COL19A1: variants seen among roughly 807,000 people sequenced by gnomAD.
The protein encoded by COL19A1 is collagen type XIX alpha 1 chain, also known as collagen alpha-1(XIX) chain.
A neutral mutation model predicts 190.2 loss-of-function variants in COL19A1; 159 were observed. That is an observed-to-expected ratio of 0.84 (90% confidence interval 0.73 to 0.95). COL19A1 has a LOEUF of 0.95. Among genes scored for constraint, COL19A1 ranks in the 40% least tolerant of loss-of-function variants. The pLI, the probability that COL19A1 is intolerant of heterozygous loss-of-function variation, is 0.00. For missense variants in COL19A1, 1,418 were observed against 1,431.9 expected (o/e 0.99, Z 0.16); for synonymous variants, 509 against 458.9 (o/e 1.11, Z -1.39).
chr6:70,160,294 AC>A (rs746056498), intron 34 of COL19A1, among the ~76,000 whole-genome samples: 6 of 152,092 alleles, frequency 3.9e-5, no homozygotes, highest in Non-Finnish European at 8.8e-5. Context: ...CCAAACACTT[AC>A]AAAACCATCA....
intron 14 of COL19A1, chr6:70,059,666 G>T (rs1455974606): frequency 2.7e-6 from 1 of 369,890 alleles, no homozygotes; most frequent in East Asian, 7.7e-5. Flanking sequence ...ACAGCCTTAT[G>T]AATTCCATTC....
At position 70,032,404 on chromosome 6, in the gene COL19A1, A is replaced by G. The variant is rs191736720; in HGVS notation, c.1081-1841A>G. ...TTGGTGATGGAGAGAATCTTCATTA[A>G]TTTCTTGTTCTTTTCTGTATCTCTA... On this transcript the variant is annotated intron_variant, in intron 12 of 50. Coordinates refer to ENST00000620364, the MANE Select transcript of COL19A1 (RefSeq NM_001858.6). Among the ~76,000 whole-genome samples the G allele has an allele frequency of 1.6e-3, 239 of 152,244 alleles. 2 individuals are homozygous for G. The highest frequency in any genetic ancestry group is 2.9e-4 in the Non-Finnish European group (20 of 67,992).
At chr6:70,122,037 T>G in intron 17 of COL19A1, 95 bp downstream of exon 17, 5 of 732,786 alleles carry the variant, frequency 6.8e-6, no homozygotes, top group Non-Finnish European at 8.9e-6. Flanking sequence ...CTTCTCAGAC[T>G]TTTATACATG....
At position 70,210,624 on chromosome 6, in the gene COL19A1, G is replaced by A. The variant is rs556920661; in HGVS notation, c.*3350G>A. Among the ~76,000 whole-genome samples, 3 of 152,216 alleles carry A rather than the reference G, an allele frequency of 2.0e-5. No homozygotes were observed. The South Asian group carries it at 6.2e-4, about 32-fold the overall frequency. On this transcript the variant is annotated 3_prime_UTR_variant, in exon 51 of 51. Coordinates refer to ENST00000620364, the MANE Select transcript of COL19A1 (RefSeq NM_001858.6). ...GAGTTAGGTAAGATTTAGCCTTTCT[G>A]CAGTCTGTCTCATCTGTTGGGAACC...
chr6:70,005,089 C>T (rs1446359515), intron 11 of COL19A1, among the ~76,000 whole-genome samples: 1 of 152,084 alleles, frequency 6.6e-6, no homozygotes, highest in Non-Finnish European at 1.5e-5. Flanking sequence ...GCCTTGGCCT[C>T]CCTAAGTGCT....
At chr6:70,107,330 G>A (rs890395265) in intron 16 of COL19A1, among the ~76,000 whole-genome samples, 2 of 152,114 alleles carry the variant, frequency 1.3e-5, no homozygotes, top group Admixed American at 1.3e-4. Context: ...AGCATAGGAT[G>A]GCGGTGAGGA....
chr6:69,939,451 G>T (rs1206962557), intron 9 of COL19A1, among the ~76,000 whole-genome samples: 1 of 151,996 alleles, frequency 6.6e-6, no homozygotes, highest in African/African-American at 2.4e-5. Flanking sequence ...AAGCTTAGGG[G>T]GGTTAAATTA....
intron 48 of COL19A1, among the ~76,000 whole-genome samples, chr6:70,198,859 G>A (rs776019427): frequency 3.9e-5 from 6 of 152,182 alleles, no homozygotes; most frequent in Non-Finnish European, 7.3e-5. Flanking sequence ...GTTGCAGTCA[G>A]GATGTCATTC....
intron 40 of COL19A1, among the ~76,000 whole-genome samples, chr6:70,169,517 A>G (rs1765377560): frequency 6.6e-6 from 1 of 152,220 alleles, no homozygotes; most frequent in African/African-American, 2.4e-5. Context: ...TTAAACCAGC[A>G]AAGGGACAAG....
rs1205060018 is a variant in COL19A1 at position 70,207,737 on chromosome 6, T to G, written c.*463T>G. 2 of 152,318 alleles carry G rather than the reference T, an allele frequency of 1.3e-5. No individual in the cohort carries two copies. The highest frequency in any genetic ancestry group is 2.4e-5 in the African/African-American group (1 of 41,432). 9.4% of individuals were successfully genotyped at this position (152,318 alleles called of 1,614,324 possible). A position where few individuals can be genotyped will look rare whatever the true frequency, so the allele number is the denominator to read the frequency against. Reference sequence around the variant, plus strand: ...CATCTCGTCAACTTTTTTGATATAGTGCATTGCTCCTGTTGAATGTTTTTT... The same window carrying G: ...CATCTCGTCAACTTTTTTGATATAGGGCATTGCTCCTGTTGAATGTTTTTT... On this transcript the variant is annotated 3_prime_UTR_variant, in exon 51 of 51. Transcript: ENST00000620364.
chr6:70,162,455 G>A (rs1787869624), intron 35 of COL19A1, among the ~76,000 whole-genome samples: 1 of 152,064 alleles, frequency 6.6e-6, no homozygotes, highest in African/African-American at 2.4e-5. Context: ...TCACTGTCTT[G>A]TTTTCCTAGA....
At chr6:70,140,493 G>A (rs757748598) in intron 19 of COL19A1, among the ~76,000 whole-genome samples, 25 of 151,904 alleles carry the variant, frequency 1.6e-4, no homozygotes, top group Non-Finnish European at 2.6e-4. Context: ...ATAAAAACTA[G>A]GAAACTATTT....
rs758959822 is a variant in COL19A1, at chr6:70,165,998, A to C, written c.2445+13A>C. ...ACCTGGACCACCTGTGAGTTGTTCTAGGCTTAAAATTTAAAATTCATGTGT... is the reference window on the plus strand; with the variant it reads ...ACCTGGACCACCTGTGAGTTGTTCTCGGCTTAAAATTTAAAATTCATGTGT... On this transcript the variant is annotated intron_variant, in intron 37 of 50. Transcript: ENST00000620364. 1.9e-6 allele frequency: 3 copies of C among 1,612,970 alleles called. No homozygotes were observed. In the South Asian group the frequency reaches 3.3e-5, roughly 18 times the overall value.
At chr6:69,943,593 A>C (rs1773608693) in intron 9 of COL19A1, among the ~76,000 whole-genome samples, 1 of 152,156 alleles carries the variant, frequency 6.6e-6, no homozygotes, top group East Asian at 1.9e-4. Flanking sequence ...ATATGGTGAG[A>C]GATAAGGATC....
intron 24 of COL19A1, among the ~76,000 whole-genome samples, chr6:70,144,705 A>G (rs1786497868): frequency 6.6e-6 from 1 of 152,198 alleles, no homozygotes; most frequent in Non-Finnish European, 1.5e-5. Context: ...TACTGCTAAC[A>G]TAACTAACTG....
At chr6:70,058,683 CA>C (rs1780650994) in intron 14 of COL19A1, among the ~76,000 whole-genome samples, 3 of 149,640 alleles carry the variant, frequency 2.0e-5, no homozygotes, top group African/African-American at 7.6e-5. Flanking sequence ...AATAACATAA[CA>C]TAAAGCTGGT....
chr6:70,201,435 G>T (rs1199928519), intron 49 of COL19A1, among the ~76,000 whole-genome samples: 1 of 152,120 alleles, frequency 6.6e-6, no homozygotes, highest in Admixed American at 6.5e-5. Context: ...GATTTCTATG[G>T]ATTTCATCTG....
chr6:69,868,563 G>A (rs1767626717), intron 1 of COL19A1, among the ~76,000 whole-genome samples: 1 of 152,184 alleles, frequency 6.6e-6, no homozygotes, highest in African/African-American at 2.4e-5. Context: ...GACCTAAATG[G>A]GGTTTCCTGG....
Position 70,086,829 on chromosome 6 carries a change from G to A in COL19A1, c.1225-15340G>A, listed in dbSNP as rs575400557. 1.2e-4 allele frequency among the ~76,000 whole-genome samples: 18 copies of A among 152,182 alleles called. No homozygotes were observed. The East Asian group carries it at 2.3e-3, about 20-fold the overall frequency. On this transcript the variant is annotated intron_variant, in intron 15 of 50. Coordinates refer to ENST00000620364, the MANE Select transcript of COL19A1 (RefSeq NM_001858.6). Reference sequence around the variant, plus strand: ...TGTCTAGTACCTTTCAAAAAGTTACGTTTACTTCCATTTTCATTGTTAGCT... The same window carrying A: ...TGTCTAGTACCTTTCAAAAAGTTACATTTACTTCCATTTTCATTGTTAGCT...
Sources: gnomAD v4.1 joint callset for allele counts (sites outside exome capture counted in the v4.1 genomes callset) on GRCh38, gnomAD v4.1.1 for gene constraint, MANE v1.5 for transcripts, NCBI Gene and HGNC (gene_info 2026-07-23, HGNC 2026-07-21) for gene names.